AKAP10: variants seen among roughly 807,000 people sequenced by gnomAD.
AKAP10 encodes the protein A-kinase anchoring protein 10.
A neutral mutation model predicts 80.8 loss-of-function variants in AKAP10; 24 were observed. That is an observed-to-expected ratio of 0.30 (90% CI 0.22 to 0.42). The LOEUF (loss-of-function observed/expected upper bound fraction) is 0.42. Among genes scored for constraint, AKAP10 ranks in the 10% least tolerant of loss-of-function variants. The pLI, the probability that AKAP10 is intolerant of heterozygous loss-of-function variation, is 1.00. For synonymous variants in AKAP10, 291 were observed against 277.7 expected (o/e 1.05, Z -0.48); for missense variants, 661 against 794.9 (o/e 0.83, Z 2.03).
At chr17:19,975,609 C>T (rs1235247852) in intron 1 of AKAP10, among the ~76,000 whole-genome samples, 18 of 152,268 alleles carry the variant, frequency 1.2e-4, no homozygotes, top group Non-Finnish European at 1.5e-5. Flanking sequence ...TAAGTATACA[C>T]CTATACACAC....
chr17:19,909,314 C>A, intron 13 of AKAP10, 38 bp from the exon 14 acceptor site: 1 of 1,555,498 alleles, frequency 6.4e-7, no homozygotes, highest in Non-Finnish European at 8.8e-7. Flanking sequence ...AATGGTTATT[C>A]ATTAGATGGA....
chr17:19,958,623 T>C (rs897189548), intron 3 of AKAP10, 52 bp from the exon 4 acceptor site: 27 of 1,485,058 alleles, frequency 1.8e-5, no homozygotes, highest in African/African-American at 8.4e-5. Context: ...TAATTTCAGA[T>C]TGACAGATTA....
chr17:19,972,400 T>C (rs968535031), intron 1 of AKAP10, among the ~76,000 whole-genome samples: 1 of 152,216 alleles, frequency 6.6e-6, no homozygotes, highest in Non-Finnish European at 1.5e-5. Context: ...AAATCTTCTC[T>C]TCTAGAAGTA....
chr17:19,910,467 T>C (rs938396103), intron 12 of AKAP10, among the ~76,000 whole-genome samples: 3 of 152,220 alleles, frequency 2.0e-5, no homozygotes, highest in Non-Finnish European at 2.9e-5. Context: ...CTGATTATAT[T>C]GCTTACATAA....
At chr17:19,955,788 G>A (rs549434428) in intron 4 of AKAP10, among the ~76,000 whole-genome samples, 28 of 151,986 alleles carry the variant, frequency 1.8e-4, no homozygotes, top group Non-Finnish European at 1.3e-4. Context: ...TGAGCTGAGA[G>A]TACGTCATTG....
In AKAP10 at chr17:19,958,106, A is replaced by G; in HGVS notation, c.785T>C (p.Met262Thr). 1 of 1,614,186 alleles carries G rather than the reference A, an allele frequency of 6.2e-7. No individual in the cohort carries two copies. Among genetic ancestry groups the G allele is most frequent in the Admixed American group, 1.7e-5 (1 of 60,014 alleles). The change falls in exon 4 of 15, where the codon ATG becomes ACG. Residue 262 changes from methionine (M) to threonine (T), a missense_variant. Transcript: ENST00000225737. The part of the protein sequence containing the change: ...MARAGTHQVS[M>T]ETQESSSTLT... ...TGTAGAGGAAGATTCTTGGGTTTCC[A>G]TGGAAACTTGGTGAGTTCCTGCTCT...
At chr17:19,919,864 TA>T (rs2042791200) in intron 12 of AKAP10, among the ~76,000 whole-genome samples, 171 bp downstream of exon 12, 1 of 152,186 alleles carries the variant, frequency 6.6e-6, no homozygotes, top group Non-Finnish European at 1.5e-5. Flanking sequence ...GGAGATTGCA[TA>T]AAGATGTGAC....
At chr17:19,946,477 A>AAAT (rs967788873) in intron 5 of AKAP10, among the ~76,000 whole-genome samples, 1 of 148,050 alleles carries the variant, frequency 6.8e-6, no homozygotes, top group Non-Finnish European at 1.5e-5. Flanking sequence ...TTCATCTATA[A>AAAT]AATAACTGTA....
intron 8 of AKAP10, 131 bp downstream of exon 8, chr17:19,939,582 T>TA: frequency 9.5e-7 from 1 of 1,053,086 alleles, no homozygotes; most frequent in Non-Finnish European, 1.3e-6. Context: ...AAACACCATA[T>TA]AAAAGCAGCT....
chr17:19,906,654 G>A (rs1399541833), intron 14 of AKAP10, among the ~76,000 whole-genome samples: 1 of 152,138 alleles, frequency 6.6e-6, no homozygotes, highest in African/African-American at 2.4e-5. Context: ...CAAATATCAC[G>A]GAAGACAAGG....
intron 8 of AKAP10, among the ~76,000 whole-genome samples, chr17:19,937,349 A>C (rs1567760674): frequency 6.6e-6 from 1 of 152,200 alleles, no homozygotes; most frequent in East Asian, 1.9e-4. Flanking sequence ...TAAAAATACA[A>C]AAATTAGCTG....
chr17:19,918,316 G>C (rs2042772286), intron 12 of AKAP10, among the ~76,000 whole-genome samples: 1 of 151,846 alleles, frequency 6.6e-6, no homozygotes, highest in South Asian at 2.1e-4. Context: ...AAGGCGGGCA[G>C]ATCACCTGAG....
chr17:19,977,308 C>T (rs186193362), intron 1 of AKAP10, among the ~76,000 whole-genome samples: 13 of 152,348 alleles, frequency 8.5e-5, no homozygotes, highest in African/African-American at 2.6e-4. Flanking sequence ...AAACTAACCC[C>T]CACCTAAGAA....
chr17:19,924,916 C>A (rs755046061), intron 10 of AKAP10, among the ~76,000 whole-genome samples: 2 of 152,132 alleles, frequency 1.3e-5, no homozygotes, highest in Non-Finnish European at 2.9e-5. Flanking sequence ...AGGATCCCAG[C>A]ACTTTGGGAG....
intron 12 of AKAP10, among the ~76,000 whole-genome samples, chr17:19,915,163 G>A (rs1458655723): frequency 6.6e-6 from 1 of 152,176 alleles, no homozygotes; most frequent in African/African-American, 2.4e-5. Flanking sequence ...TTAATGTACA[G>A]ACCAATATAC....
chr17:19,968,126 G>A (rs1488877863), intron 2 of AKAP10: 10 of 240,032 alleles, frequency 4.2e-5, no homozygotes, highest in Non-Finnish European at 6.3e-5. Context: ...GTGTGAACCC[G>A]GGAGACAGAG....
intron 12 of AKAP10, among the ~76,000 whole-genome samples, chr17:19,913,044 A>G (rs1161007893): frequency 6.7e-6 from 1 of 150,112 alleles, no homozygotes; most frequent in African/African-American, 2.5e-5. Flanking sequence ...GTGGTGCATT[A>G]TCAGCCCGCT....
intron 4 of AKAP10, among the ~76,000 whole-genome samples, chr17:19,953,160 T>C (rs1597517298): frequency 6.6e-6 from 1 of 152,228 alleles, no homozygotes; most frequent in South Asian, 2.1e-4. Flanking sequence ...TATTTCTAAA[T>C]AATTCATTGG....
rs9905387 is a variant in AKAP10, at chr17:19,904,783, T to C, written c.*1444A>G. The C allele has an allele frequency of 1.1e-3, 165 of 152,158 alleles. No individual in the cohort carries two copies. The highest frequency in any genetic ancestry group is 3.9e-3 in the African/African-American group (162 of 41,554). The allele number at this position is 152,158 out of a possible 1,614,324, so 9.4% of individuals were successfully genotyped here. ...CAATTTTAAATAGAATTCATATATA[T>C]ATATTTTAAAATCAAACACAATTAA... On this transcript the variant is annotated 3_prime_UTR_variant, in exon 15 of 15. Coordinates refer to ENST00000225737, the MANE Select transcript of AKAP10 (RefSeq NM_007202.4).
Sources: gnomAD v4.1 joint callset for allele counts (sites outside exome capture counted in the v4.1 genomes callset) on GRCh38, gnomAD v4.1.1 for gene constraint, MANE v1.5 for transcripts, NCBI Gene and HGNC (gene_info 2026-07-23, HGNC 2026-07-21) for gene names.